The following EVL variants were observed in gnomAD, a reference collection of about 807,000 sequenced individuals.
EVL encodes Enah/Vasp-like.
Under a neutral mutation model 59.6 loss-of-function variants are expected in EVL, and 21 were observed. That is an observed-to-expected ratio of 0.35 (90% confidence interval 0.25 to 0.51). The LOEUF (loss-of-function observed/expected upper bound fraction) is 0.51, where lower values mean the gene tolerates loss of function less well. Ranked by LOEUF, EVL falls within the 20% of genes least tolerant of loss-of-function variation. The pLI, the probability that EVL is intolerant of heterozygous loss-of-function variation, is 0.97. For missense variants in EVL, 462 were observed against 546.6 expected (o/e 0.85, Z 1.54); for synonymous variants, 198 against 203.5 (o/e 0.97, Z 0.23).
At chr14:99,985,362 CT>C (rs2060833389) in intron 1 of EVL, among the ~76,000 whole-genome samples, 1 of 152,042 alleles carries the variant, frequency 6.6e-6, no homozygotes, top group Non-Finnish European at 1.5e-5. Flanking sequence ...GGCTTATCTT[CT>C]GTTTTGGTTC....
At chr14:100,039,940 G>A (rs1423999363) in intron 1 of EVL, among the ~76,000 whole-genome samples, 2 of 152,126 alleles carry the variant, frequency 1.3e-5, no homozygotes, top group African/African-American at 4.8e-5. Context: ...CACCACACTG[G>A]GCTAATTTTT....
chr14:100,098,375 C>A (rs1298365066), intron 3 of EVL, among the ~76,000 whole-genome samples: 1 of 152,124 alleles, frequency 6.6e-6, no homozygotes, highest in African/African-American at 2.4e-5. Flanking sequence ...CTGAGTGAGC[C>A]CGTAGTGCTG....
chr14:100,017,246 T>A (rs76655228), intron 1 of EVL, among the ~76,000 whole-genome samples: 3,998 of 152,324 alleles, frequency 0.026, 80 homozygotes, highest in Non-Finnish European at 0.041. Flanking sequence ...CAGGACCTTA[T>A]GAATTGCCCT....
chr14:100,002,482 G>T (rs112233123), intron 1 of EVL, among the ~76,000 whole-genome samples: 1 of 152,054 alleles, frequency 6.6e-6, no homozygotes, highest in Non-Finnish European at 1.5e-5. Context: ...AGTCATACCA[G>T]AATTATAGGA....
intron 1 of EVL, among the ~76,000 whole-genome samples, chr14:100,010,505 C>G (rs543410674): frequency 3.5e-4 from 53 of 152,316 alleles, no homozygotes; most frequent in Non-Finnish European, 5.9e-4. Context: ...CCACAATTCT[C>G]CTACCTCAGC....
chr14:100,137,549 G>A (rs1888879581), intron 9 of EVL, 29 bp from the exon 10 acceptor site: 1 of 1,612,624 alleles, frequency 6.2e-7, no homozygotes, highest in South Asian at 1.1e-5. Flanking sequence ...TCACCTGTGA[G>A]GTTCTTCATC....
chr14:100,104,668 A>G (rs1886444789), intron 3 of EVL, among the ~76,000 whole-genome samples: 2 of 152,364 alleles, frequency 1.3e-5, no homozygotes, highest in Middle Eastern at 3.4e-3. Context: ...TGCATTAAAA[A>G]TAGTCATAAC....
At chr14:100,006,260 AAT>A (rs1306241767) in intron 1 of EVL, among the ~76,000 whole-genome samples, 3 of 152,076 alleles carry the variant, frequency 2.0e-5, no homozygotes, top group African/African-American at 7.2e-5. Flanking sequence ...GTAAGGAGCA[AAT>A]AAAACCAGCT....
intron 1 of EVL, among the ~76,000 whole-genome samples, chr14:100,043,960 C>G (rs536808406): frequency 6.6e-6 from 1 of 151,986 alleles, no homozygotes; most frequent in African/African-American, 2.4e-5. Context: ...GGTATTGAGT[C>G]GTGATTATGG....
At chr14:100,063,734 G>A (rs960627755), upstream of EVL, among the ~76,000 whole-genome samples, 14 of 152,140 alleles carry the variant, frequency 9.2e-5, no homozygotes, top group African/African-American at 3.1e-4. Context: ...CTAGAACACT[G>A]CACCCGACCA....
chr14:100,066,605 C>T (rs1298605211), intron 1 of EVL: 2 of 152,256 alleles, frequency 1.3e-5, no homozygotes, highest in East Asian at 3.9e-4. Context: ...TTAGAGGACT[C>T]GTGAGTGGAG....
chr14:100,007,675 A>G (rs894139789), intron 1 of EVL, among the ~76,000 whole-genome samples: 2 of 152,310 alleles, frequency 1.3e-5, no homozygotes, highest in East Asian at 1.9e-4. Context: ...TGCCTTACCT[A>G]TTGGAGGCAC....
At chr14:100,022,083 A>G (rs2061134663) in intron 1 of EVL, among the ~76,000 whole-genome samples, 1 of 151,958 alleles carries the variant, frequency 6.6e-6, no homozygotes, top group African/African-American at 2.4e-5. Flanking sequence ...ACTCCATAAC[A>G]CTGTTAGAAT....
chr14:99,973,487 G>A (rs2140164596), intron 1 of EVL, among the ~76,000 whole-genome samples: 2 of 152,320 alleles, frequency 1.3e-5, no homozygotes, highest in African/African-American at 4.8e-5. Context: ...TTTTGAGACG[G>A]AGTCTCGCTC....
chr14:99,974,252 C>T (rs1448452396), intron 1 of EVL: 1 of 152,116 alleles, frequency 6.6e-6, no homozygotes, highest in Non-Finnish European at 1.5e-5. Context: ...TTATAGAACT[C>T]TTGGTTTGCC....
intron 1 of EVL, among the ~76,000 whole-genome samples, chr14:100,082,161 C>T (rs1383883955): frequency 6.6e-6 from 1 of 151,804 alleles, no homozygotes; most frequent in Non-Finnish European, 1.5e-5. Flanking sequence ...AGAAGAAAGC[C>T]TCCCCTGTCC....
intron 8 of EVL, chr14:100,134,578 T>G (rs1888648388): frequency 6.6e-6 from 1 of 152,166 alleles, no homozygotes; most frequent in Non-Finnish European, 1.5e-5. Context: ...ACAAGTGCAG[T>G]GGGAGGGAGA....
chr14:100,091,527 G>T (rs1321032874), intron 2 of EVL, among the ~76,000 whole-genome samples: 1 of 152,180 alleles, frequency 6.6e-6, no homozygotes, highest in Admixed American at 6.5e-5. Flanking sequence ...AGCTGACCTG[G>T]TGGAGGTTCC....
chr14:100,094,580 TA>T (rs936590612), intron 2 of EVL, among the ~76,000 whole-genome samples: 142 of 142,366 alleles, frequency 1.0e-3, no homozygotes, highest in Middle Eastern at 3.6e-3. Context: ...GACTCTACTT[TA>T]AAAAAAAAAA....
Sources: gnomAD v4.1 joint callset for allele counts (sites outside exome capture counted in the v4.1 genomes callset) on GRCh38, gnomAD v4.1.1 for gene constraint, MANE v1.5 for transcripts, NCBI Gene and HGNC (gene_info 2026-07-23, HGNC 2026-07-21) for gene names.